Variants in EIF2B4 observed in about 807,000 individuals in gnomAD.
The protein encoded by EIF2B4 is translation initiation factor eIF2B subunit delta.
A neutral mutation model predicts 66.7 loss-of-function variants in EIF2B4; 34 were observed. The ratio of observed to expected loss-of-function variants is 0.51; its 90% CI spans 0.39 to 0.68. EIF2B4 has a LOEUF of 0.68. Ranked by LOEUF, EIF2B4 falls within the 30% of genes least tolerant of loss-of-function variation. The pLI is 0.00. For synonymous variants in EIF2B4, 278 were observed against 253.6 expected (o/e 1.10, Z -0.92); for missense variants, 618 against 657.9 (o/e 0.94, Z 0.66).
rs772991139 is a variant in EIF2B4 at position 27,368,390 on chromosome 2, G to A, written c.572C>T (p.Ser191Phe). Reference protein sequence around the residue: ...SHLPQYSRQNSLTQFMSIPSS... With the variant: ...SHLPQYSRQNFLTQFMSIPSS... ...ATCCTACCTCATAAACTGGGTCAGAGAGTTTTGTCTGCTGTACTGGGGTAG... is the reference window on the plus strand; with the variant it reads ...ATCCTACCTCATAAACTGGGTCAGAAAGTTTTGTCTGCTGTACTGGGGTAG... Residue 191 changes from serine (S) to phenylalanine (F), a missense_variant, in exon 6 of 13, where the codon TCT (serine) becomes TTT (phenylalanine). Ser to Phe is a radical substitution (Grantham distance 155). This residue lies in a region of EIF2B4 where 506 missense variants were observed against 511.9 expected (regional missense o/e 0.99). Coordinates refer to ENST00000347454, the MANE Select transcript of EIF2B4 (RefSeq NM_001034116.2). 6.2e-6 allele frequency: 10 copies of A among 1,613,922 alleles called. No homozygotes were observed. Among genetic ancestry groups the A allele is most frequent in the Non-Finnish European group, 8.5e-6 (10 of 1,179,796 alleles).
In EIF2B4 at chr2:27,369,496, C is replaced by T. The variant is rs770388291; in HGVS notation, c.129G>A (p.Lys43=). Residue 43 remains lysine (K), a synonymous_variant, in exon 3 of 13, where the codon AAG becomes AAA. Coordinates refer to ENST00000347454, the MANE Select transcript of EIF2B4 (RefSeq NM_001034116.2). The part of the protein sequence containing the change: ...KEEKLQLRKE[K]KQQKKKRKEE... ...CCTTCCGTTTCTTCTTCTGCTGTTT[C>T]TTTTCCTTCCGAAGCTGCAGCTTTT... 1.2e-6 allele frequency: 2 copies of T among 1,614,190 alleles called. No homozygotes were observed. Among genetic ancestry groups the T allele is most frequent in the Admixed American group, 3.3e-5 (2 of 60,024 alleles).
rs1682244484 is a variant in EIF2B4, at chr2:27,369,910, G to C, written c.41C>G (p.Ser14Cys). The C allele has an allele frequency of 1.3e-6, 2 of 1,583,882 alleles. No homozygotes were observed. Among genetic ancestry groups the C allele is most frequent in the South Asian group, 1.2e-5 (1 of 86,700 alleles). ...VAVAVREDSGSGMKAELPPGP... is the reference protein window; with the variant it reads ...VAVAVREDSGCGMKAELPPGP... ...AGGGGGAAGCTCCGCCTTCATCCCG[G>C]ATCCCGAGTCTGCATCAGAAAACAG... Residue 14 changes from serine (S) to cysteine (C), a missense_variant, in exon 2 of 13, where the codon TCC becomes TGC. By Grantham distance (112) the Ser-to-Cys change is moderately radical. This residue lies in a region of EIF2B4 where 506 missense variants were observed against 511.9 expected (regional missense o/e 0.99). Transcript: ENST00000347454.
intron 6 of EIF2B4, 37 bp downstream of exon 6, chr2:27,368,335 C>A: frequency 1.3e-6 from 2 of 1,573,096 alleles, no homozygotes; most frequent in South Asian, 2.2e-5. Context: ...TAAAACTCCT[C>A]AGACTCAAAA....
chr2:27,368,363 G>A lies in EIF2B4; in HGVS notation c.590+9C>T, dbSNP rs2148376546. On this transcript the variant is annotated intron_variant, in intron 6 of 12. Transcript: ENST00000347454. Reference sequence around the variant, plus strand: ...ACTCAAAAGTTATGACAATTTCATAGGATCCTACCTCATAAACTGGGTCAG... The same window carrying A: ...ACTCAAAAGTTATGACAATTTCATAAGATCCTACCTCATAAACTGGGTCAG... The A allele has an allele frequency of 6.2e-7, 1 of 1,607,332 alleles. No individual in the cohort carries two copies. The highest frequency in any genetic ancestry group is 2.2e-5 in the East Asian group (1 of 44,846).
At position 27,366,889 on chromosome 2, in the gene EIF2B4, C is replaced by T. The variant is rs368168999; in HGVS notation, c.1061G>A (p.Arg354Gln). 8.7e-6 allele frequency: 14 copies of T among 1,614,146 alleles called. No homozygotes were observed. In the East Asian group the frequency reaches 1.8e-4, roughly 21 times the overall value. Reference sequence around the variant, plus strand: ...GTCCACCACTACCACCCGAAACCGCCGGCCCTCTGTCCAAGCCTCCTGAAG... The same window carrying T: ...GTCCACCACTACCACCCGAAACCGCTGGCCCTCTGTCCAAGCCTCCTGAAG... ...RILQEAWTEG[R>Q]RFRVVVVDSR... The change falls in exon 11 of 13, where the codon CGG becomes CAG. Residue 354 changes from arginine (R) to glutamine (Q), a missense_variant. Coordinates refer to ENST00000347454, the MANE Select transcript of EIF2B4 (RefSeq NM_001034116.2).
Position 27,366,778 on chromosome 2 carries a change from G to T in EIF2B4, c.1172C>A (p.Ala391Asp), listed in dbSNP as rs113994036. ...VPASYLLIPA[A>D]SYVLPEVSKV... ...ACTTACCTCTGGGAGCACATAGGAG[G>T]CTGCAGGAATCAGCAGGTAGGAGGC... The change falls in exon 11 of 13, where the codon GCC (alanine) becomes GAC (aspartate). Residue 391 changes from alanine (A) to aspartate (D), a missense_variant. Physicochemically the swap from Ala to Asp is moderately radical, Grantham distance 126. This residue lies in a region of EIF2B4 where 506 missense variants were observed against 511.9 expected (regional missense o/e 0.99). Coordinates refer to ENST00000347454, the MANE Select transcript of EIF2B4 (RefSeq NM_001034116.2). The T allele has an allele frequency of 6.2e-7, 1 of 1,614,232 alleles. No homozygotes were observed. Among genetic ancestry groups the T allele is most frequent in the Non-Finnish European group, 8.5e-7 (1 of 1,180,046 alleles).
Position 27,367,778 on chromosome 2 carries a change from C to T in EIF2B4, c.750G>A (p.Arg250=). Reference sequence around the variant, plus strand: ...AGGGTTTTAGTTTATTCACTAGATCCCTGGAGAGTTCTTCATTAGGCGGTG... The same window carrying T: ...AGGGTTTTAGTTTATTCACTAGATCTCTGGAGAGTTCTTCATTAGGCGGTG... The part of the protein sequence containing the change: ...YTTPPNEELS[R]DLVNKLKPYM... The change falls in exon 8 of 13, where the codon AGG becomes AGA. Residue 250 remains arginine (R), a synonymous_variant. Coordinates refer to ENST00000347454, the MANE Select transcript of EIF2B4 (RefSeq NM_001034116.2). 1 of 1,614,000 alleles carries T rather than the reference C, an allele frequency of 6.2e-7. No homozygotes were observed. Among genetic ancestry groups the T allele is most frequent in the Non-Finnish European group, 8.5e-7 (1 of 1,180,002 alleles).
intron 11 of EIF2B4, 137 bp downstream of exon 11, chr2:27,366,622 T>G (rs1681882096): frequency 4.9e-6 from 5 of 1,013,596 alleles, no homozygotes; most frequent in Non-Finnish European, 6.1e-6. Flanking sequence ...AAGACTGCAG[T>G]GAGCTGTGAT....
intron 11 of EIF2B4, chr2:27,366,546 G>T: frequency 1.6e-6 from 1 of 622,048 alleles, no homozygotes; most frequent in Admixed American, 2.6e-5. Flanking sequence ...TGGGCATGGT[G>T]GCACACACCA....
intron 11 of EIF2B4, chr2:27,365,146 T>C (rs1312982702): frequency 1.2e-5 from 5 of 427,910 alleles, no homozygotes; most frequent in Non-Finnish European, 1.7e-5. Flanking sequence ...AACCTCTGCC[T>C]CCTGGGTTCA....
At chr2:27,368,839 C>G in intron 4 of EIF2B4, 106 bp from the exon 5 acceptor site, 1 of 1,446,330 alleles carries the variant, frequency 6.9e-7, no homozygotes, top group Non-Finnish European at 9.7e-7. Context: ...GTGGAGAAAA[C>G]GGGAGAATAG....
rs1316461239 is a variant in EIF2B4 at position 27,369,049 on chromosome 2, T to C, written c.375A>G (p.Pro125=). ...KQARKGEQGG[P]PPKASPSTAG... is the part of the protein sequence containing the mutation. ...CTGTGCTGGGGCTGGCCTTAGGAGG[T>C]GGTCCTCCTTGTTCCCCTTTTCTTG... The change falls in exon 4 of 13, where the codon CCA becomes CCG. Residue 125 remains proline, a synonymous_variant. Transcript: ENST00000347454. 2.5e-6 allele frequency: 4 copies of C among 1,613,938 alleles called. No individual in the cohort carries two copies. The highest frequency in any genetic ancestry group is 3.4e-6 in the Non-Finnish European group (4 of 1,179,988).
intron 4 of EIF2B4, 47 bp from the exon 5 acceptor site, chr2:27,368,780 G>A (rs768867189): frequency 7.5e-6 from 12 of 1,595,012 alleles, no homozygotes; most frequent in East Asian, 4.5e-5. Context: ...GTCTTGAAAT[G>A]TGTAATTTGC....
rs1369005950 is a variant in EIF2B4, at chr2:27,368,999, A to G, written c.418+7T>C. The stretch of plus-strand genomic sequence containing the variant: ...GTAAGGGAGGTCTTAAAATGAAGGG[A>G]AGATACCTGAGGGGGTTTCTCCAGC... On this transcript the variant is annotated splice_region_variant and intron_variant, in intron 4 of 12. Transcript: ENST00000347454. 1 of 1,614,108 alleles carries G rather than the reference A, an allele frequency of 6.2e-7. No individual in the cohort carries two copies. Among genetic ancestry groups the G allele is most frequent in the Non-Finnish European group, 8.5e-7 (1 of 1,180,008 alleles).
At chr2:27,368,196 C>T in intron 6 of EIF2B4, 57 bp from the exon 7 acceptor site, 8 of 1,434,154 alleles carry the variant, frequency 5.6e-6, no homozygotes, top group Non-Finnish European at 7.7e-6. Flanking sequence ...CTACTGCCCA[C>T]CTGCCCCTGA....
At chr2:27,368,966 A>C (rs1190678929) in intron 4 of EIF2B4, 40 bp downstream of exon 4, 1 of 1,611,654 alleles carries the variant, frequency 6.2e-7, no homozygotes, top group Non-Finnish European at 8.5e-7. Flanking sequence ...CTGGCGTTAT[A>C]ATTAGGAGTA....
rs528136359 is a variant in EIF2B4, at chr2:27,370,097, G to A, written c.32-178C>T. ...CGCGGCGGATCAAAGGAATGGAGGG[G>A]TCACCGACCCTCCTCACAGCAACCA... On this transcript the variant is annotated intron_variant, in intron 1 of 12. Coordinates refer to ENST00000347454, the MANE Select transcript of EIF2B4 (RefSeq NM_001034116.2). The A allele has an allele frequency of 1.0e-4, 151 of 1,511,582 alleles. 1 individual carries two copies. The East Asian group carries it at 2.3e-3, about 23-fold the overall frequency. The allele number at this position is 1,511,582 out of a possible 1,614,324, so 93.6% of individuals were successfully genotyped here.
In EIF2B4 at chr2:27,370,329, G is replaced by C; in HGVS notation, c.-15C>G. The stretch of plus-strand genomic sequence containing the variant: ...ACAGCAGCCATCGCCCTCAGTCCTA[G>C]GCTCCGCCCGCCGTGGTCACGGAGC... On this transcript the variant is annotated 5_prime_UTR_variant, in exon 1 of 13. Transcript: ENST00000347454. 1.3e-6 allele frequency: 2 copies of C among 1,540,972 alleles called. No homozygotes were observed. Among genetic ancestry groups the C allele is most frequent in the Admixed American group, 2.0e-5 (1 of 50,982 alleles).
Position 27,367,511 on chromosome 2 carries a change from G to C in EIF2B4, c.831C>G (p.Ile277Met). 1.2e-6 allele frequency: 2 copies of C among 1,614,104 alleles called. No homozygotes were observed. The highest frequency in any genetic ancestry group is 1.7e-6 in the Non-Finnish European group (2 of 1,180,024). ...TGGTGATTTCCTTGTTAAGGAACTTGATGGCGTTGTGCATGCTCGCTGACA... is the reference window on the plus strand; with the variant it reads ...TGGTGATTTCCTTGTTAAGGAACTTCATGGCGTTGTGCATGCTCGCTGACA... ...RPLSASMHNAIKFLNKEITSV... is the reference protein window; with the variant it reads ...RPLSASMHNAMKFLNKEITSV... The change falls in exon 9 of 13, where the codon ATC becomes ATG. Residue 277 changes from isoleucine to methionine, a missense_variant. Physicochemically the swap from Ile to Met is conservative, Grantham distance 10. This residue lies in a region of EIF2B4 where 506 missense variants were observed against 511.9 expected (regional missense o/e 0.99). Coordinates refer to ENST00000347454, the MANE Select transcript of EIF2B4 (RefSeq NM_001034116.2).
Sources: allele counts gnomAD v4.1 joint callset, GRCh38; gene constraint gnomAD v4.1.1; regional missense constraint gnomAD v4.1.1; transcripts MANE v1.5; gene names NCBI Gene and HGNC (gene_info 2026-07-23, HGNC 2026-07-21).